SUGCT: variants seen among roughly 807,000 people sequenced by gnomAD.
SUGCT encodes the protein succinyl-CoA:glutarate-CoA transferase.
Under a neutral mutation model 55.0 loss-of-function variants are expected in SUGCT, and 41 were observed. The observed-to-expected ratio is 0.74, with a 90% confidence interval of 0.58 to 0.97. The LOEUF (loss-of-function observed/expected upper bound fraction) is 0.97. SUGCT is among the 50% of genes least tolerant of loss of function. SUGCT has a pLI of 0.00. For missense variants in SUGCT, 568 were observed against 547.8 expected (o/e 1.04, Z -0.37); for synonymous variants, 187 against 200.4 (o/e 0.93, Z 0.56).
At chr7:40,977,302 C>T in the SUGCT span, among the ~76,000 whole-genome samples, 2 of 152,240 alleles carry the variant, frequency 1.3e-5, no homozygotes, top group Non-Finnish European at 2.9e-5. Context: ...GTTGATCTGA[C>T]TTCCAGAGCA....
chr7:40,736,001 AGCAAATTAAATG>A (rs1477297019), intron 12 of SUGCT, among the ~76,000 whole-genome samples: 3 of 151,914 alleles, frequency 2.0e-5, no homozygotes, highest in Non-Finnish European at 4.4e-5. Context: ...ACAACTGCAC[AGCAAATTAAATG>A]GTAGATTAGA....
Position 40,135,086 on chromosome 7 carries a change from CGGGAGGGGGCTGTGGACT to C in SUGCT, c.69_86del (p.Gly25_Arg30del), listed in dbSNP as rs1206258604. The stretch of plus-strand genomic sequence containing the variant: ...CCTGCCTCTTCTCCGGCCGGGGCGG[CGGGAGGGGGCTGTGGACT>C]GGCCGCCCGCAGTCAGGTACCCTCC... On this transcript the variant is annotated inframe_deletion, in exon 1 of 14. Coordinates refer to ENST00000335693, the MANE Select transcript of SUGCT (RefSeq NM_001193313.2). 3 of 1,559,138 alleles carry C rather than the reference CGGGAGGGGGCTGTGGACT, an allele frequency of 1.9e-6. No homozygotes were observed. Among genetic ancestry groups the C allele is most frequent in the East Asian group, 4.8e-5 (2 of 41,480 alleles).
the SUGCT span, among the ~76,000 whole-genome samples, chr7:40,928,033 G>C: frequency 1.3e-5 from 2 of 151,964 alleles, no homozygotes; most frequent in African/African-American, 4.8e-5. Context: ...TCCTTGGAAA[G>C]TAATCTCTCT....
chr7:40,972,887 C>G, the SUGCT span, among the ~76,000 whole-genome samples: 669 of 152,200 alleles, frequency 4.4e-3, 7 homozygotes, highest in African/African-American at 0.015. Flanking sequence ...ATGTAATTAC[C>G]AAATTACCAT....
intron 12 of SUGCT, among the ~76,000 whole-genome samples, chr7:40,621,169 G>C (rs572263257): frequency 6.6e-6 from 1 of 152,038 alleles, no homozygotes; most frequent in African/African-American, 2.4e-5. Context: ...TGTATTATTA[G>C]TATTGTATTT....
the SUGCT span, among the ~76,000 whole-genome samples, chr7:40,949,204 A>G: frequency 6.6e-6 from 1 of 152,222 alleles, no homozygotes; most frequent in Non-Finnish European, 1.5e-5. Flanking sequence ...TCTGATGGCC[A>G]GTGATGATGA....
chr7:40,956,615 A>G, the SUGCT span, among the ~76,000 whole-genome samples: 34 of 152,052 alleles, frequency 2.2e-4, no homozygotes, highest in Admixed American at 5.9e-4. Context: ...TCATGTCTCT[A>G]TTTCCTTCAG....
At chr7:40,340,456 A>C (rs1796983561) in intron 9 of SUGCT, among the ~76,000 whole-genome samples, 2 of 152,232 alleles carry the variant, frequency 1.3e-5, no homozygotes, top group Admixed American at 1.3e-4. Flanking sequence ...AAGTTAAAAA[A>C]TGAAAGTAAT....
the SUGCT span, among the ~76,000 whole-genome samples, chr7:41,024,973 C>A: frequency 6.6e-6 from 1 of 152,142 alleles, no homozygotes; most frequent in Non-Finnish European, 1.5e-5. Flanking sequence ...TACTAAATAG[C>A]AGTTAAAATG....
chr7:40,943,319 G>A, the SUGCT span, among the ~76,000 whole-genome samples: 1 of 150,190 alleles, frequency 6.7e-6, no homozygotes, highest in African/African-American at 2.4e-5. Context: ...TAGGGTACAT[G>A]TGCACAATGT....
intron 11 of SUGCT, among the ~76,000 whole-genome samples, chr7:40,492,394 C>T (rs191060553): frequency 7.9e-5 from 12 of 152,236 alleles, no homozygotes; most frequent in Admixed American, 2.6e-4. Flanking sequence ...TCAAGTTTCT[C>T]ATCTACGTCA....
At chr7:40,997,847 T>C in the SUGCT span, among the ~76,000 whole-genome samples, 1 of 152,124 alleles carries the variant, frequency 6.6e-6, no homozygotes, top group African/African-American at 2.4e-5. Flanking sequence ...CTAAAATCAG[T>C]TTTCTTGGTA....
chr7:40,751,112 C>T (rs974596943), intron 13 of SUGCT, among the ~76,000 whole-genome samples: 7 of 152,048 alleles, frequency 4.6e-5, no homozygotes, highest in Admixed American at 1.3e-4. Context: ...TTTAGGTGAT[C>T]GAAGAAAGTC....
the SUGCT span, among the ~76,000 whole-genome samples, chr7:40,871,339 A>G: frequency 6.6e-6 from 1 of 152,170 alleles, no homozygotes; most frequent in Non-Finnish European, 1.5e-5. Flanking sequence ...CATCCTCTGA[A>G]GAAGCCCAAG....
intron 8 of SUGCT, among the ~76,000 whole-genome samples, chr7:40,291,327 A>T (rs1451581893): frequency 6.6e-6 from 1 of 151,540 alleles, no homozygotes; most frequent in Non-Finnish European, 1.5e-5. Context: ...ATGCAGCCAT[A>T]AAAAATGATG....
At chr7:40,992,011 A>G in the SUGCT span, among the ~76,000 whole-genome samples, 1 of 152,146 alleles carries the variant, frequency 6.6e-6, no homozygotes, top group African/African-American at 2.4e-5. Flanking sequence ...ATTCAGGATC[A>G]GTCCACAGAG....
intron 9 of SUGCT, among the ~76,000 whole-genome samples, chr7:40,359,349 C>T (rs987047840): frequency 6.6e-6 from 1 of 152,174 alleles, no homozygotes; most frequent in African/African-American, 2.4e-5. Flanking sequence ...GGATTACAGA[C>T]ATGTGCCACC....
chr7:40,797,031 C>T (rs919253352), intron 13 of SUGCT, among the ~76,000 whole-genome samples: 1 of 152,142 alleles, frequency 6.6e-6, no homozygotes, highest in Non-Finnish European at 1.5e-5. Context: ...TGGGTCAGGG[C>T]AATTCTGACA....
At chr7:40,881,290 C>G in the SUGCT span, among the ~76,000 whole-genome samples, 1 of 152,204 alleles carries the variant, frequency 6.6e-6, no homozygotes, top group East Asian at 1.9e-4. Flanking sequence ...TTCCTACATT[C>G]CCCGGTGTGC....
Sources: gnomAD v4.1 joint callset for allele counts (sites outside exome capture counted in the v4.1 genomes callset) on GRCh38, gnomAD v4.1.1 for gene constraint, MANE v1.5 for transcripts, NCBI Gene and HGNC (gene_info 2026-07-23, HGNC 2026-07-21) for gene names.